Variants in DRAM1 observed in about 807,000 individuals in gnomAD.
The protein encoded by DRAM1 is DNA damage-regulated autophagy modulator protein 1.
Under a neutral mutation model 28.5 loss-of-function variants are expected in DRAM1, and 25 were observed. The observed-to-expected ratio is 0.88, with a 90% CI of 0.64 to 1.23. The LOEUF is 1.23. DRAM1 is among the 50% of genes most tolerant of loss of function. The pLI, the probability that DRAM1 is intolerant of heterozygous loss-of-function variation, is 0.00. For missense variants in DRAM1, 249 were observed against 299.2 expected, an observed-to-expected ratio of 0.83 and a Z score of 1.24; for synonymous variants, 113 against 114.2, an observed-to-expected ratio of 0.99 and a Z score of 0.07.
Position 101,908,285 on chromosome 12 carries a change from T to G in DRAM1, c.442T>G (p.Cys148Gly), listed in dbSNP as rs745515371. 2 of 1,614,188 alleles carry G rather than the reference T, an allele frequency of 1.2e-6. No homozygotes were observed. Among genetic ancestry groups the G allele is most frequent in the South Asian group, 2.2e-5 (2 of 91,088 alleles). ...ACAGTCCATCATCTCTTACAAATCA[T>G]GTCCCCAGTGGAACAGTCTCTCGAC... ...LLQSIISYKSCPQWNSLSTCH... is the reference protein window; with the variant it reads ...LLQSIISYKSGPQWNSLSTCH... Residue 148 changes from cysteine (C) to glycine (G), a missense_variant, in exon 4 of 7, where the codon TGT becomes GGT. Coordinates refer to ENST00000258534, the MANE Select transcript of DRAM1 (RefSeq NM_018370.3).
intron 1 of DRAM1, among the ~76,000 whole-genome samples, chr12:101,889,701 A>G (rs1219024125): frequency 6.6e-6 from 1 of 152,302 alleles, no homozygotes. Flanking sequence ...ACATTTTGGG[A>G]AGCCAAGGCA....
At chr12:101,883,144 G>T (rs904145922) in intron 1 of DRAM1, among the ~76,000 whole-genome samples, 3 of 150,952 alleles carry the variant, frequency 2.0e-5, no homozygotes, top group Non-Finnish European at 4.4e-5. Context: ...TAAGAAAAAA[G>T]AGGAGAAAAA....
chr12:101,908,297 A>G lies in DRAM1; in HGVS notation c.454A>G (p.Asn152Asp). ...IISYKSCPQW[N>D]SLSTCHIRMV... The stretch of plus-strand genomic sequence containing the variant: ...CTCTTACAAATCATGTCCCCAGTGG[A>G]ACAGTCTCTCGACATGCCACATACG... Residue 152 changes from asparagine to aspartate, a missense_variant, in exon 4 of 7, where the codon AAC (asparagine) becomes GAC (aspartate). Coordinates refer to ENST00000258534, the MANE Select transcript of DRAM1 (RefSeq NM_018370.3). 6.2e-7 allele frequency: 1 copy of G among 1,614,152 alleles called. No individual in the cohort carries two copies. Among genetic ancestry groups the G allele is most frequent in the Non-Finnish European group, 8.5e-7 (1 of 1,180,026 alleles).
intron 1 of DRAM1, among the ~76,000 whole-genome samples, chr12:101,879,040 G>A (rs1463873241): frequency 6.6e-6 from 1 of 151,958 alleles, no homozygotes; most frequent in Non-Finnish European, 1.5e-5. Context: ...TGTCGCCCAG[G>A]CTGGAGTGCA....
At chr12:101,913,522 A>G (rs1035901444) in intron 4 of DRAM1, among the ~76,000 whole-genome samples, 1 of 152,004 alleles carries the variant, frequency 6.6e-6, no homozygotes, top group African/African-American at 2.4e-5. Context: ...CCTGACCAAC[A>G]TGGAGAAACA....
At chr12:101,918,716 A>G (rs563641511) in intron 5 of DRAM1, among the ~76,000 whole-genome samples, 1 of 152,290 alleles carries the variant, frequency 6.6e-6, no homozygotes, top group East Asian at 1.9e-4. Context: ...GCACATGCCA[A>G]GGGCAGAGCA....
intron 1 of DRAM1, chr12:101,890,070 T>C (rs1406959682): frequency 2.2e-6 from 1 of 453,716 alleles, no homozygotes; most frequent in Non-Finnish European, 4.4e-6. Context: ...TTTTTCTTTT[T>C]TCTTTTTTGA....
intron 2 of DRAM1, among the ~76,000 whole-genome samples, chr12:101,898,144 C>CTCA (rs778120687): frequency 6.6e-6 from 1 of 152,090 alleles, no homozygotes; most frequent in Non-Finnish European, 1.5e-5. Context: ...CCTCAGCCTC[C>CTCA]GGAGTAGCTG....
Position 101,921,215 on chromosome 12 carries a change from G to T in DRAM1, c.673-1G>T. 1 of 1,595,440 alleles carries T rather than the reference G, an allele frequency of 6.3e-7. No homozygotes were observed. Among genetic ancestry groups the T allele is most frequent in the South Asian group, 1.1e-5 (1 of 90,628 alleles). ...CCTTTCTCTTTCATTTTTAAAAATA[G>T]AGTGTCACCCTAAGGATATCCACAG... On this transcript the variant is annotated splice_acceptor_variant, in intron 6 of 6. Transcript: ENST00000258534. LOFTEE classifies it high-confidence loss of function.
intron 5 of DRAM1, among the ~76,000 whole-genome samples, chr12:101,914,776 G>C (rs981112591): frequency 6.6e-6 from 1 of 152,008 alleles, no homozygotes; most frequent in African/African-American, 2.4e-5. Context: ...TTGTGCCTCA[G>C]CCTCCCGAGT....
At chr12:101,888,805 T>G (rs1872985562) in intron 1 of DRAM1, among the ~76,000 whole-genome samples, 1 of 107,684 alleles carries the variant, frequency 9.3e-6, no homozygotes, top group South Asian at 4.0e-4. Context: ...TTTTTTTTTT[T>G]TTTTTTTTTT....
chr12:101,912,305 C>T (rs1169561176), intron 4 of DRAM1, among the ~76,000 whole-genome samples: 2 of 152,220 alleles, frequency 1.3e-5, no homozygotes, highest in African/African-American at 4.8e-5. Context: ...TCACAACTTA[C>T]ATTAAGTTTC....
chr12:101,889,504 A>C (rs192762255), intron 1 of DRAM1, among the ~76,000 whole-genome samples: 3 of 81,754 alleles, frequency 3.7e-5, no homozygotes, highest in Non-Finnish European at 4.6e-5. Context: ...TAAGGAAGGA[A>C]AGGAAGGAAG....
intron 4 of DRAM1, among the ~76,000 whole-genome samples, chr12:101,913,803 T>G (rs1874132799): frequency 1.3e-5 from 2 of 151,764 alleles, no homozygotes; most frequent in African/African-American, 4.8e-5. Context: ...CATCCTGGAC[T>G]GCTGCGTCAG....
chr12:101,915,725 C>T (rs748122103), intron 5 of DRAM1, among the ~76,000 whole-genome samples: 5 of 151,656 alleles, frequency 3.3e-5, no homozygotes, highest in Non-Finnish European at 7.4e-5. Context: ...CCATGCCCAG[C>T]TAGTTTTTGT....
chr12:101,897,082 C>T (rs919946019), intron 1 of DRAM1, among the ~76,000 whole-genome samples: 7 of 151,884 alleles, frequency 4.6e-5, no homozygotes, highest in Non-Finnish European at 7.4e-5. Flanking sequence ...CCACCGTGAC[C>T]GGCCTCAGAT....
intron 1 of DRAM1, among the ~76,000 whole-genome samples, chr12:101,897,636 C>T (rs1428493114): frequency 1.3e-5 from 2 of 151,658 alleles, no homozygotes; most frequent in African/African-American, 4.9e-5. Context: ...TCATTTTAAA[C>T]ATTTTCTGGC....
intron 1 of DRAM1, among the ~76,000 whole-genome samples, chr12:101,892,402 ATTTTTT>A (rs748326902): frequency 6.0e-5 from 5 of 82,704 alleles, no homozygotes; most frequent in African/African-American, 2.8e-4. Context: ...TGCCAGGCTA[ATTTTTT>A]TTTTTTTTTT....
intron 4 of DRAM1, among the ~76,000 whole-genome samples, chr12:101,912,680 A>G (rs558343727): frequency 1.3e-5 from 2 of 151,690 alleles, no homozygotes; most frequent in Admixed American, 6.6e-5. Flanking sequence ...GTTAAGAGAG[A>G]TGACGCTGAC....
Sources: allele counts gnomAD v4.1 joint callset (sites outside exome capture counted in the v4.1 genomes callset), GRCh38; gene constraint gnomAD v4.1.1; transcripts MANE v1.5; gene names NCBI Gene and HGNC (gene_info 2026-07-23, HGNC 2026-07-21).